LPP: variants seen among roughly 807,000 people sequenced by gnomAD.
LPP encodes the protein LIM domain containing preferred translocation partner in lipoma.
In LPP, 38 loss-of-function variants were observed where a neutral mutation model predicts 60.4. That is an observed-to-expected ratio of 0.63 (90% CI 0.49 to 0.83). The LOEUF (loss-of-function observed/expected upper bound fraction) is 0.83, where lower values mean the gene tolerates loss of function less well. Ranked by LOEUF, LPP falls within the 40% of genes least tolerant of loss-of-function variation. LPP has a pLI of 0.00. For missense variants in LPP, 902 were observed against 783.6 expected, an observed-to-expected ratio of 1.15 and a Z score of -1.80; for synonymous variants, 328 against 290.8, an observed-to-expected ratio of 1.13 and a Z score of -1.30.
chr3:188,214,118 CT>C (rs890679176), intron 1 of LPP, among the ~76,000 whole-genome samples: 224 of 147,048 alleles, frequency 1.5e-3, no homozygotes, highest in Middle Eastern at 0.014. Flanking sequence ...TTCAGATCAA[CT>C]TTTTTTTTTT....
chr3:188,478,408 T>C (rs1803810616), intron 4 of LPP, among the ~76,000 whole-genome samples: 1 of 152,186 alleles, frequency 6.6e-6, no homozygotes. Context: ...ATAGTAGGTA[T>C]GGTTTCATGA....
chr3:188,809,978 A>G (rs1204223038), intron 9 of LPP, among the ~76,000 whole-genome samples: 2 of 152,132 alleles, frequency 1.3e-5, no homozygotes, highest in Non-Finnish European at 2.9e-5. Context: ...TTTGTTGAAG[A>G]TCAGATGGTT....
chr3:188,442,854 C>G (rs144635803), intron 4 of LPP, among the ~76,000 whole-genome samples: 3 of 152,296 alleles, frequency 2.0e-5, no homozygotes, highest in African/African-American at 7.2e-5. Context: ...TTGAGAATGT[C>G]AGCTGGCTCT....
intron 6 of LPP, among the ~76,000 whole-genome samples, chr3:188,580,426 G>A (rs546642254): frequency 6.6e-6 from 1 of 152,104 alleles, no homozygotes; most frequent in Non-Finnish European, 1.5e-5. Flanking sequence ...GACATTTGGG[G>A]TAGCTTTTTA....
chr3:188,335,076 T>TAA (rs1178892157), intron 2 of LPP, among the ~76,000 whole-genome samples: 2 of 152,212 alleles, frequency 1.3e-5, no homozygotes, highest in Non-Finnish European at 1.5e-5. Flanking sequence ...CTATCTTGAA[T>TAA]AAAAGTGGTA....
intron 1 of LPP, chr3:188,179,497 T>G (rs1168393099): frequency 2.2e-6 from 1 of 457,878 alleles, no homozygotes; most frequent in Admixed American, 2.3e-5. Context: ...TGCGACACGC[T>G]TGTTTGCCCA....
chr3:188,395,637 TA>T (rs1470297190), intron 3 of LPP, among the ~76,000 whole-genome samples: 3 of 152,152 alleles, frequency 2.0e-5, no homozygotes, highest in Non-Finnish European at 4.4e-5. Flanking sequence ...TCAATAATAG[TA>T]ATTTAAATTA....
At chr3:188,596,138 G>A (rs910980284) in intron 6 of LPP, among the ~76,000 whole-genome samples, 7 of 152,188 alleles carry the variant, frequency 4.6e-5, no homozygotes, top group Admixed American at 2.0e-4. Context: ...TGGTACACCC[G>A]TTTGCTGTAA....
At chr3:188,754,161 T>C (rs1046426148) in intron 8 of LPP, among the ~76,000 whole-genome samples, 2 of 152,180 alleles carry the variant, frequency 1.3e-5, no homozygotes, top group African/African-American at 4.8e-5. Context: ...AAGAGCCATA[T>C]GATAAATTCA....
At chr3:188,410,992 C>A (rs1784766942) in intron 4 of LPP, among the ~76,000 whole-genome samples, 2 of 152,264 alleles carry the variant, frequency 1.3e-5, no homozygotes, top group South Asian at 4.1e-4. Flanking sequence ...ATTTGATTTT[C>A]CATTCCTGAG....
rs1295582172 is a variant in LPP at position 188,223,253 on chromosome 3, A to G, written c.-189-2152A>G. On this transcript the variant is annotated intron_variant, in intron 1 of 11. Transcript: ENST00000617246. ...TGATACTTTTCAATCTTTAGATTTA[A>G]TCTATTCAACAATGTATAATTTTTT... is the stretch of plus-strand genomic sequence containing the variant. 2.0e-5 allele frequency among the ~76,000 whole-genome samples: 3 copies of G among 152,332 alleles called. No individual in the cohort carries two copies. The East Asian group carries it at 5.8e-4, about 29-fold the overall frequency.
At chr3:188,634,548 A>G (rs1403726229) in intron 7 of LPP, among the ~76,000 whole-genome samples, 1 of 152,146 alleles carries the variant, frequency 6.6e-6, no homozygotes, top group Non-Finnish European at 1.5e-5. Flanking sequence ...CTTCATCTGT[A>G]TTTACAGCCA....
chr3:188,793,011 C>G (rs1744252834), intron 9 of LPP, among the ~76,000 whole-genome samples: 1 of 152,096 alleles, frequency 6.6e-6, no homozygotes, highest in South Asian at 2.1e-4. Flanking sequence ...GTCAGTATGC[C>G]TCCAGTCCCT....
chr3:188,764,208 G>A (rs1185556842), intron 9 of LPP, among the ~76,000 whole-genome samples: 1 of 152,096 alleles, frequency 6.6e-6, no homozygotes, highest in Non-Finnish European at 1.5e-5. Flanking sequence ...TAAATAGAAT[G>A]TATTTATCCT....
chr3:188,403,634 A>AT (rs1454423162), intron 3 of LPP, among the ~76,000 whole-genome samples: 1 of 152,120 alleles, frequency 6.6e-6, no homozygotes, highest in African/African-American at 2.4e-5. Flanking sequence ...CAAAACCAAA[A>AT]TTGGCATTTC....
At chr3:188,708,629 T>C (rs899232680) in intron 8 of LPP, 25 of 567,530 alleles carry the variant, frequency 4.4e-5, no homozygotes, top group Non-Finnish European at 7.1e-5. Flanking sequence ...TTTCCTTAGA[T>C]ACAAATTTTA....
At position 188,777,678 on chromosome 3, in the gene LPP, TC is replaced by T. The variant is rs1429935722; in HGVS notation, c.1410+17398del. Among the ~76,000 whole-genome samples, 4 of 152,264 alleles carry T rather than the reference TC, an allele frequency of 2.6e-5. No homozygotes were observed. The East Asian group carries it at 7.7e-4, about 29-fold the overall frequency. On this transcript the variant is annotated intron_variant, in intron 9 of 11. Transcript: ENST00000617246. The stretch of plus-strand genomic sequence containing the variant: ...TTTGTCTCTCTGCATCCCCCGAGGC[TC>T]CTTGCACAGTCCTCACACTCCACTG...
chr3:188,605,183 C>T (rs1223637884), intron 6 of LPP, among the ~76,000 whole-genome samples: 1 of 152,274 alleles, frequency 6.6e-6, no homozygotes, highest in East Asian at 1.9e-4. Context: ...CATTGAAAAA[C>T]AGTCGTGGAC....
chr3:188,876,397 C>G lies in LPP; in HGVS notation c.*1918C>G, dbSNP rs1346408648. ...CAAAATTATAGCTTTTAAGAGCTTC[C>G]TTTGACCACTGTCTTTTTCTTACCC... On this transcript the variant is annotated 3_prime_UTR_variant, in exon 12 of 12. Coordinates refer to ENST00000617246, the MANE Select transcript of LPP (RefSeq NM_001375462.1). 5.2e-6 allele frequency: 1 copy of G among 192,566 alleles called. No individual in the cohort carries two copies. Among genetic ancestry groups the G allele is most frequent in the Admixed American group, 6.1e-5 (1 of 16,312 alleles). The allele number at this position is 192,566 out of a possible 1,614,324, so 11.9% of individuals were successfully genotyped here.
Sources: gnomAD v4.1 joint callset for allele counts (sites outside exome capture counted in the v4.1 genomes callset) on GRCh38, gnomAD v4.1.1 for gene constraint, MANE v1.5 for transcripts, NCBI Gene and HGNC (gene_info 2026-07-23, HGNC 2026-07-21) for gene names.